MPRIP: variants seen among roughly 807,000 people sequenced by gnomAD.
MPRIP encodes the protein myosin phosphatase Rho interacting protein.
A neutral mutation model predicts 234.9 loss-of-function variants in MPRIP; 59 were observed. That is an observed-to-expected ratio of 0.25 (90% CI 0.20 to 0.31). The LOEUF (loss-of-function observed/expected upper bound fraction) is 0.31, where lower values mean the gene tolerates loss of function less well. Among genes scored for constraint, MPRIP ranks in the 10% least tolerant of loss-of-function variants. The probability of loss-of-function intolerance (pLI) is 1.00; values close to 1 mark genes in which losing one functional copy is unlikely to be tolerated. For synonymous variants in MPRIP, 1,144 were observed against 1,263.9 expected (o/e 0.91, Z 2.01); for missense variants, 2,436 against 3,071.0 (o/e 0.79, Z 4.89).
At chr17:17,081,449 G>T (rs1205216684) in intron 3 of MPRIP, among the ~76,000 whole-genome samples, 2 of 152,220 alleles carry the variant, frequency 1.3e-5, no homozygotes, top group Non-Finnish European at 2.9e-5. Flanking sequence ...ATAGGAAAAG[G>T]GGTGTTCCTC....
rs2045782352 is a variant in MPRIP at position 17,158,485 on chromosome 17, G to A, written c.1883G>A (p.Arg628Lys). Residue 628 changes from arginine to lysine, a missense_variant, in exon 14 of 24, where the codon AGG becomes AAG. This residue lies in a region of MPRIP where 1,998 missense variants were observed against 2,520.3 expected (regional missense o/e 0.79). Coordinates refer to ENST00000651222, the MANE Select transcript of MPRIP (RefSeq NM_001364716.4). ...KSSCSFETCP[R>K]PTEKQEAELG... ...AGCTGCTCTTTTGAGACCTGCCCGA[G>A]GCCTACTGAGAAGCAAGAGGCAGAG... is the stretch of plus-strand genomic sequence containing the variant. 1 of 1,609,026 alleles carries A rather than the reference G, an allele frequency of 6.2e-7. No homozygotes were observed. The highest frequency in any genetic ancestry group is 1.3e-5 in the African/African-American group (1 of 74,772).
chr17:17,069,142 T>A (rs1204617698), intron 1 of MPRIP, among the ~76,000 whole-genome samples: 1 of 152,254 alleles, frequency 6.6e-6, no homozygotes, highest in Non-Finnish European at 1.5e-5. Flanking sequence ...TTAGGCTCAC[T>A]ATGTCTCAGT....
intron 17 of MPRIP, 80 bp from the exon 18 acceptor site, chr17:17,172,618 T>G: frequency 9.3e-7 from 1 of 1,074,474 alleles, no homozygotes; most frequent in Non-Finnish European, 1.4e-6. Context: ...GCCATCCCAT[T>G]GTGTGGAGCT....
chr17:17,100,342 C>G (rs903257265), intron 3 of MPRIP, among the ~76,000 whole-genome samples: 2 of 152,234 alleles, frequency 1.3e-5, no homozygotes, highest in African/African-American at 4.8e-5. Flanking sequence ...TCATTTCAAG[C>G]TGGGCTTTTT....
chr17:17,126,008 TC>T (rs2090483878), intron 3 of MPRIP, among the ~76,000 whole-genome samples: 1 of 152,230 alleles, frequency 6.6e-6, no homozygotes, highest in Non-Finnish European at 1.5e-5. Context: ...ACAAGTCATC[TC>T]CATAAAGGTC....
intron 3 of MPRIP, among the ~76,000 whole-genome samples, chr17:17,081,858 G>A (rs1260008253): frequency 6.6e-6 from 1 of 152,148 alleles, no homozygotes; most frequent in Non-Finnish European, 1.5e-5. Context: ...TGGGTGTGGA[G>A]GAGAGGCAAA....
intron 9 of MPRIP, 136 bp downstream of exon 9, chr17:17,143,805 A>C: frequency 2.2e-6 from 1 of 460,346 alleles, no homozygotes; most frequent in Non-Finnish European, 3.8e-6. Flanking sequence ...GAGCACCCCC[A>C]CCCACCGACC....
intron 3 of MPRIP, among the ~76,000 whole-genome samples, chr17:17,082,284 A>C (rs1212801848): frequency 8.6e-6 from 1 of 116,084 alleles, no homozygotes; most frequent in Non-Finnish European, 1.7e-5. Flanking sequence ...TGCTTTTTCC[A>C]ATTTTTTTTT....
chr17:17,161,863 G>T (rs367992306), intron 15 of MPRIP, among the ~76,000 whole-genome samples: 3,602 of 152,226 alleles, frequency 0.024, 115 homozygotes, highest in Middle Eastern at 0.085. Flanking sequence ...CAGAGCTGGG[G>T]CTCTTACCAC....
intron 1 of MPRIP, among the ~76,000 whole-genome samples, chr17:17,043,585 C>T (rs956074815): frequency 1.3e-5 from 2 of 152,202 alleles, no homozygotes; most frequent in African/African-American, 2.4e-5. Flanking sequence ...TGATTTCTGT[C>T]TCCCAGCCTT....
chr17:17,067,660 G>A (rs770146911), intron 1 of MPRIP, among the ~76,000 whole-genome samples: 4 of 152,270 alleles, frequency 2.6e-5, no homozygotes, highest in Non-Finnish European at 5.9e-5. Context: ...AGGAATATTA[G>A]TCCATAGTTC....
In MPRIP at chr17:17,167,994, C is replaced by T. The variant is rs941020389; in HGVS notation, c.6324+79C>T. 6.3e-6 allele frequency: 7 copies of T among 1,118,022 alleles called. No homozygotes were observed. In the East Asian group the frequency reaches 2.4e-4, roughly 38 times the overall value. 69.3% of individuals were successfully genotyped at this position (1,118,022 alleles called of 1,614,324 possible). On this transcript the variant is annotated intron_variant, in intron 16 of 23. Transcript: ENST00000651222. This position sits in a 1 kb window ranked among gnomAD's most constrained non-coding sequence, Gnocchi z 5.9. ...GTGTGGGGACGTCTGGCTCAGCTAC[C>T]GTGCAGGCAGAATTGAGGGGATATG... is the stretch of plus-strand genomic sequence containing the variant.
intron 22 of MPRIP, chr17:17,178,509 G>C (rs753903463): frequency 6.7e-6 from 1 of 150,072 alleles, no homozygotes; most frequent in Non-Finnish European, 1.5e-5. Flanking sequence ...AAGCTAAGTC[G>C]ATCAGGTGTC....
chr17:17,090,604 C>T (rs929099672), intron 3 of MPRIP, among the ~76,000 whole-genome samples: 1 of 152,176 alleles, frequency 6.6e-6, no homozygotes. Flanking sequence ...CTCACTTCCT[C>T]TGGACACTGA....
chr17:17,148,436 G>A (rs184693646), intron 11 of MPRIP, among the ~76,000 whole-genome samples: 3 of 152,198 alleles, frequency 2.0e-5, no homozygotes, highest in Non-Finnish European at 4.4e-5. Context: ...ACTAGCACTT[G>A]GCACAGCCCC....
rs1375698485 is a variant in MPRIP at position 17,177,337 on chromosome 17, T to A, written c.7045T>A (p.Leu2349Met). ...TAAGGCTGACTGTGACATCAGCAGG[T>A]TGAAGGAGCAGCTCAAGGCTGCAAC... ...KAKADCDISR[L>M]KEQLKAATEA... Residue 2349 changes from leucine to methionine, a missense_variant, in exon 22 of 24, where the codon TTG (leucine) becomes ATG (methionine). By Grantham distance (15) the Leu-to-Met change is conservative (BLOSUM62 2). Transcript: ENST00000651222. 6.2e-7 allele frequency: 1 copy of A among 1,613,820 alleles called. No homozygotes were observed. Among genetic ancestry groups the A allele is most frequent in the African/African-American group, 1.3e-5 (1 of 75,022 alleles).
chr17:17,143,578 C>T lies in MPRIP; in HGVS notation c.1412C>T (p.Pro471Leu), dbSNP rs201000529. The T allele has an allele frequency of 3.5e-4, 567 of 1,600,612 alleles. 2 individuals carry two copies. The highest frequency in any genetic ancestry group is 1.3e-4 in the Non-Finnish European group (147 of 1,173,788). ...RKRDFTNEAP[P>L]APLPDASASP... Reference sequence around the variant, plus strand: ...CAGGACTTCACCAATGAAGCCCCCCCAGCTCCTCTCCCAGACGCCTCGGCT... The same window carrying T: ...CAGGACTTCACCAATGAAGCCCCCCTAGCTCCTCTCCCAGACGCCTCGGCT... The change falls in exon 9 of 24, where the codon CCA (proline) becomes CTA (leucine). Residue 471 changes from proline to leucine, a missense_variant. Coordinates refer to ENST00000651222, the MANE Select transcript of MPRIP (RefSeq NM_001364716.4).
At position 17,165,704 on chromosome 17, in the gene MPRIP, T is replaced by C; in HGVS notation, c.4113T>C (p.Pro1371=). 7.7e-7 allele frequency: 1 copy of C among 1,305,056 alleles called. No individual in the cohort carries two copies. Among genetic ancestry groups the C allele is most frequent in the Non-Finnish European group, 1.0e-6 (1 of 989,012 alleles). The allele number at this position is 1,305,056 out of a possible 1,614,324, so 80.8% of individuals were successfully genotyped here. A position where few individuals can be genotyped will look rare whatever the true frequency, so the allele number is the denominator to read the frequency against. The change falls in exon 16 of 24, where the codon CCT becomes CCC. Residue 1371 remains proline (P), a synonymous_variant. Transcript: ENST00000651222. ...MSSEPAPSVL[P]ATGDSDTYLS... ...CAGAGCCTGCACCCAGTGTACTGCC[T>C]GCAACTGGCGACTCTGACACGTACC... is the stretch of plus-strand genomic sequence containing the variant.
intron 3 of MPRIP, among the ~76,000 whole-genome samples, chr17:17,099,156 C>T (rs1341420695): frequency 6.6e-6 from 1 of 152,162 alleles, no homozygotes; most frequent in Non-Finnish European, 1.5e-5. Context: ...CAAATAGCAG[C>T]CGAGAAGAGC....
Sources: gnomAD v4.1 joint callset for allele counts (sites outside exome capture counted in the v4.1 genomes callset) on GRCh38, gnomAD v4.1.1 for gene constraint, gnomAD v4.1.1 regional missense constraint, Gnocchi (gnomAD v3.1) non-coding constraint, MANE v1.5 for transcripts, NCBI Gene and HGNC (gene_info 2026-07-23, HGNC 2026-07-21) for gene names.